MAPT: variants seen among roughly 807,000 people sequenced by gnomAD.
The protein encoded by MAPT is microtubule associated protein tau.
In MAPT, 34 loss-of-function variants were observed where a neutral mutation model predicts 67.9. The observed-to-expected ratio is 0.50, with a 90% CI of 0.38 to 0.67. The LOEUF is 0.67. Among genes scored for constraint, MAPT ranks in the 30% least tolerant of loss-of-function variants. The pLI, the probability that MAPT is intolerant of heterozygous loss-of-function variation, is 0.00. For synonymous variants in MAPT, 456 were observed against 464.5 expected (o/e 0.98, Z 0.23); for missense variants, 881 against 1,115.2 (o/e 0.79, Z 2.99).
intron 1 of MAPT, among the ~76,000 whole-genome samples, chr17:45,924,830 C>T (rs1276127901): frequency 1.3e-5 from 2 of 152,200 alleles, no homozygotes; most frequent in African/African-American, 4.8e-5. Context: ...TCTTAGGTAA[C>T]ATTGCTGCTG....
At chr17:45,958,120 C>A (rs1598149045) in intron 1 of MAPT, among the ~76,000 whole-genome samples, 1 of 152,248 alleles carries the variant, frequency 6.6e-6, no homozygotes, top group Middle Eastern at 3.4e-3. Flanking sequence ...TTCAACCTCA[C>A]TCCATCTTAA....
In MAPT at chr17:46,010,610, G is replaced by A. The variant is rs1333311432; in HGVS notation, c.2091+208G>A. ...CAGAAGCCCCTTCCTCATATTCTAG[G>A]AGGGGGTGTCCCAGCATTTCTGGGT... is the stretch of plus-strand genomic sequence containing the variant. On this transcript the variant is annotated intron_variant, in intron 10 of 12. Coordinates refer to ENST00000262410, the MANE Select transcript of MAPT (RefSeq NM_001377265.1). The surrounding 1 kb of genome is among the most constrained non-coding windows in gnomAD (Gnocchi z 4.7). 6.6e-6 allele frequency among the ~76,000 whole-genome samples: 1 copy of A among 152,192 alleles called. No homozygotes were observed. Among genetic ancestry groups the A allele is most frequent in the Non-Finnish European group, 1.5e-5 (1 of 68,032 alleles).
chr17:46,017,472 A>G (rs1320879330), intron 11 of MAPT, among the ~76,000 whole-genome samples: 10 of 28,628 alleles, frequency 3.5e-4, no homozygotes, highest in Non-Finnish European at 4.5e-4. Flanking sequence ...TTTTTTTTTG[A>G]GATGGAGTTG....
At chr17:46,012,227 C>G (rs181328734) in intron 10 of MAPT, among the ~76,000 whole-genome samples, 1 of 152,196 alleles carries the variant, frequency 6.6e-6, no homozygotes, top group Non-Finnish European at 1.5e-5. Flanking sequence ...ACACGGGCTG[C>G]GTGGCCAACC....
At chr17:46,000,933 TA>T (rs2074949031) in intron 9 of MAPT, among the ~76,000 whole-genome samples, 1 of 152,174 alleles carries the variant, frequency 6.6e-6, no homozygotes, top group African/African-American at 2.4e-5. Context: ...GACCAGCTTT[TA>T]AAACATTTTG....
chr17:45,975,217 T>C (rs1430278315), intron 3 of MAPT: 1 of 152,338 alleles, frequency 6.6e-6, no homozygotes, highest in Non-Finnish European at 1.5e-5. Flanking sequence ...TTTGGTGATT[T>C]GGAGGGTGCC....
chr17:45,984,360 G>C (rs1007247656), intron 5 of MAPT, among the ~76,000 whole-genome samples: 1 of 152,264 alleles, frequency 6.6e-6, no homozygotes, highest in Non-Finnish European at 1.5e-5. Context: ...CGGAGGCTCA[G>C]AGAAGTACAG....
chr17:46,027,299 G>A lies in MAPT; in HGVS notation c.*3128G>A, dbSNP rs186336286. The A allele has an allele frequency of 4.6e-5, 7 of 152,824 alleles. No homozygotes were observed. Among genetic ancestry groups the A allele is most frequent in the Admixed American group, 4.6e-4 (7 of 15,292 alleles). The allele number at this position is 152,824 out of a possible 1,614,324, so 9.5% of individuals were successfully genotyped here. On this transcript the variant is annotated 3_prime_UTR_variant, in exon 13 of 13. Transcript: ENST00000262410. ...ATCATGGTTTAGGGTGATCAGTGCT[G>A]GCAGATAAATTGAAAAGGCACGCTG...
chr17:45,951,684 T>A (rs1166830786), intron 1 of MAPT, among the ~76,000 whole-genome samples: 1 of 151,170 alleles, frequency 6.6e-6, no homozygotes, highest in Non-Finnish European at 1.5e-5. Context: ...GCTAGCCCCT[T>A]CCCCCACCCC....
intron 9 of MAPT, among the ~76,000 whole-genome samples, chr17:46,007,317 A>G (rs1598369564): frequency 6.6e-6 from 1 of 152,030 alleles, no homozygotes; most frequent in East Asian, 1.9e-4. Context: ...AGACCCCATC[A>G]TCACAAAGAA....
intron 1 of MAPT, among the ~76,000 whole-genome samples, chr17:45,948,226 G>T (rs78026984): frequency 6.6e-6 from 1 of 151,960 alleles, no homozygotes; most frequent in Non-Finnish European, 1.5e-5. Context: ...GGCTGGTCTC[G>T]AACTCCTGGC....
In MAPT at chr17:46,017,440, A is replaced by ATTTTTTTTTTTTTTTTTTTTTTTTTTTTT. The variant is rs76980614; in HGVS notation, c.2174-1176_2174-1148dup. Among the ~76,000 whole-genome samples the ATTTTTTTTTTTTTTTTTTTTTTTTTTTTT allele has an allele frequency of 4.8e-5, 3 of 63,004 alleles. 1 individual carries two copies. The highest frequency in any genetic ancestry group is 2.4e-4 in the African/African-American group (3 of 12,644). The allele number at this position is 63,004 out of a possible 152,430, so 41.3% of individuals were successfully genotyped here. On this transcript the variant is annotated intron_variant, in intron 11 of 12. Coordinates refer to ENST00000262410, the MANE Select transcript of MAPT (RefSeq NM_001377265.1). Reference sequence around the variant, plus strand: ...AGGCACATGCCAACATGCCTGGCTAATTTTTTTTTTTTTTTTTTTTTTTTT... The same window carrying ATTTTTTTTTTTTTTTTTTTTTTTTTTTTT: ...AGGCACATGCCAACATGCCTGGCTAATTTTTTTTTTTTTTTTTTTTTTTTTTTTTTTTTTTTTTTTTTTTTTTTTTTTTT...
intron 5 of MAPT, 140 bp downstream of exon 5, chr17:45,984,070 G>T (rs763180738): frequency 1.3e-4 from 99 of 746,036 alleles, no homozygotes; most frequent in Middle Eastern, 3.8e-4. Context: ...CGACACCTGG[G>T]TGCAGCTGCT....
intron 3 of MAPT, chr17:45,973,925 C>T (rs1039422163): frequency 1.9e-4 from 35 of 181,196 alleles, no homozygotes; most frequent in Admixed American, 1.7e-3. Context: ...ATGACACTGC[C>T]ATTTTGCAGA....
In MAPT at chr17:46,000,399, G is replaced by A. The variant is rs531512482; in HGVS notation, c.1998+3735G>A. On this transcript the variant is annotated intron_variant, in intron 9 of 12. Coordinates refer to ENST00000262410, the MANE Select transcript of MAPT (RefSeq NM_001377265.1). ...GAAAGGAAAATGCAGATAATCAGGT[G>A]GCCGCACTGGAGCACCAGCTGGGTA... Among the ~76,000 whole-genome samples the A allele has an allele frequency of 2.6e-5, 4 of 152,270 alleles. No individual in the cohort carries two copies. The East Asian group carries it at 7.7e-4, about 29-fold the overall frequency.
intron 1 of MAPT, among the ~76,000 whole-genome samples, chr17:45,911,508 C>T (rs1325758978): frequency 2.0e-5 from 3 of 152,114 alleles, no homozygotes; most frequent in African/African-American, 7.2e-5. Context: ...CGCCTGGAAT[C>T]CCAGCACTTT....
chr17:46,008,204 C>A (rs765965016), intron 9 of MAPT, among the ~76,000 whole-genome samples: 1 of 152,234 alleles, frequency 6.6e-6, no homozygotes, highest in Non-Finnish European at 1.5e-5. Context: ...TCAAGCTATT[C>A]TCCTTCCTCA....
intron 1 of MAPT, among the ~76,000 whole-genome samples, chr17:45,902,992 A>G (rs1342861387): frequency 2.0e-5 from 3 of 152,128 alleles, no homozygotes; most frequent in African/African-American, 4.8e-5. Flanking sequence ...TGGTGATGTT[A>G]TCTTGGGATC....
At chr17:46,017,871 C>T (rs1302332439) in intron 11 of MAPT, among the ~76,000 whole-genome samples, 4 of 151,424 alleles carry the variant, frequency 2.6e-5, no homozygotes, top group East Asian at 3.9e-4. Flanking sequence ...ATGGGCCGGG[C>T]GCAGTGGCTC....
Sources: gnomAD v4.1 joint callset for allele counts (sites outside exome capture counted in the v4.1 genomes callset) on GRCh38, gnomAD v4.1.1 for gene constraint, Gnocchi (gnomAD v3.1) non-coding constraint, MANE v1.5 for transcripts, NCBI Gene and HGNC (gene_info 2026-07-23, HGNC 2026-07-21) for gene names.